PLCL1: variants seen among roughly 807,000 people sequenced by gnomAD.
PLCL1 encodes the protein inactive phospholipase C-like protein 1.
In PLCL1, 41 loss-of-function variants were observed where a neutral mutation model predicts 84.4. The observed-to-expected ratio is 0.49, with a 90% confidence interval of 0.38 to 0.63. The LOEUF is 0.63. Ranked by LOEUF, PLCL1 falls within the 30% of genes least tolerant of loss-of-function variation. The pLI is 0.00. For missense variants in PLCL1, 1,206 were observed against 1,367.8 expected (o/e 0.88, Z 1.87); for synonymous variants, 490 against 488.3 (o/e 1.00, Z -0.05).
chr2:197,812,376 T>G (rs1402802290), intron 1 of PLCL1, among the ~76,000 whole-genome samples: 3 of 152,230 alleles, frequency 2.0e-5, no homozygotes, highest in Non-Finnish European at 4.4e-5. Context: ...ATCTCCACAC[T>G]GCTTTCCACA....
At chr2:197,828,552 A>G (rs1690982918) in intron 1 of PLCL1, among the ~76,000 whole-genome samples, 1 of 152,134 alleles carries the variant, frequency 6.6e-6, no homozygotes, top group African/African-American at 2.4e-5. Flanking sequence ...AAAAATATTC[A>G]ATAATGCTAA....
At chr2:197,983,542 AT>A (rs554261215) in intron 1 of PLCL1, among the ~76,000 whole-genome samples, 33 of 151,928 alleles carry the variant, frequency 2.2e-4, no homozygotes, top group African/African-American at 7.7e-4. Flanking sequence ...CTAAATAAGC[AT>A]TTTCTATAAA....
At position 198,122,359 on chromosome 2, in the gene PLCL1, G is replaced by T. The variant is rs1435688344; in HGVS notation, c.3105+18423G>T. ...TGACTGAACTTTAGATTTTTTATATGATCTTTTCTTAAAATCTGGGTAACT... is the reference window on the plus strand; with the variant it reads ...TGACTGAACTTTAGATTTTTTATATTATCTTTTCTTAAAATCTGGGTAACT... On this transcript the variant is annotated intron_variant, in intron 5 of 5. Transcript: ENST00000428675. Among the ~76,000 whole-genome samples the T allele has an allele frequency of 2.0e-5, 3 of 151,956 alleles. No individual in the cohort carries two copies. The East Asian group carries it at 5.8e-4, about 29-fold the overall frequency.
chr2:197,845,968 T>C (rs1687114348), intron 1 of PLCL1, among the ~76,000 whole-genome samples: 1 of 152,142 alleles, frequency 6.6e-6, no homozygotes, highest in Admixed American at 6.6e-5. Context: ...GTGCACTTGA[T>C]ACTAATTGAA....
At chr2:197,847,307 T>G (rs1179585801) in intron 1 of PLCL1, among the ~76,000 whole-genome samples, 1 of 152,166 alleles carries the variant, frequency 6.6e-6, no homozygotes, top group Non-Finnish European at 1.5e-5. Flanking sequence ...TTTAACAATA[T>G]GAAAGAACAT....
intron 1 of PLCL1, among the ~76,000 whole-genome samples, chr2:197,841,536 G>A (rs931853566): frequency 3.3e-5 from 5 of 152,154 alleles, no homozygotes; most frequent in African/African-American, 1.2e-4. Flanking sequence ...TCTTTTTGTG[G>A]CTTGATAGCT....
At chr2:197,828,822 G>A (rs1261598935) in intron 1 of PLCL1, among the ~76,000 whole-genome samples, 1 of 152,124 alleles carries the variant, frequency 6.6e-6, no homozygotes, top group Non-Finnish European at 1.5e-5. Context: ...GTCTTTAACT[G>A]TCTTAAAACA....
chr2:198,137,920 C>T (rs1207006727), intron 5 of PLCL1, among the ~76,000 whole-genome samples: 1 of 152,214 alleles, frequency 6.6e-6, no homozygotes. Context: ...TCAATGGGTG[C>T]AGTACTGCCC....
intron 1 of PLCL1, among the ~76,000 whole-genome samples, chr2:198,002,410 A>G (rs1316264674): frequency 2.0e-5 from 3 of 152,182 alleles, no homozygotes; most frequent in Admixed American, 2.0e-4. Context: ...AGTGACAAAT[A>G]ATTTTCCAAA....
At position 197,924,084 on chromosome 2, in the gene PLCL1, C is replaced by T. The variant is rs1435080436; in HGVS notation, c.240+118745C>T. The stretch of plus-strand genomic sequence containing the variant: ...ATCAGGCAGGGAGGTTGCAGTGAGC[C>T]GAGATGGCAGCAGTACAGTCCAGCT... On this transcript the variant is annotated intron_variant, in intron 1 of 5. Transcript: ENST00000428675. Among the ~76,000 whole-genome samples the T allele has an allele frequency of 2.2e-5, 3 of 135,912 alleles. No homozygotes were observed. In the South Asian group the frequency reaches 7.2e-4, roughly 33 times the overall value. 89.2% of individuals were successfully genotyped at this position (135,912 alleles called of 152,430 possible).
At chr2:198,090,199 C>T (rs957789680) in intron 3 of PLCL1, among the ~76,000 whole-genome samples, 1 of 151,870 alleles carries the variant, frequency 6.6e-6, no homozygotes, top group African/African-American at 2.4e-5. Context: ...ATATTAAAAT[C>T]ATGTGTTAGA....
rs1302618528 is a variant in PLCL1, at chr2:198,107,967, G to A, written c.3105+4031G>A. ...AAGAGCTGGACAAATGACCTCCTTT[G>A]AATTTGAATTATTAGCTGAGAGAAA... On this transcript the variant is annotated intron_variant, in intron 5 of 5. Transcript: ENST00000428675. 1.4e-4 allele frequency among the ~76,000 whole-genome samples: 22 copies of A among 151,794 alleles called. 1 individual carries two copies. Among genetic ancestry groups the A allele is most frequent in the Admixed American group, 1.3e-3 (20 of 15,202 alleles).
At chr2:198,050,579 T>C (rs1691903421) in intron 1 of PLCL1, among the ~76,000 whole-genome samples, 1 of 152,252 alleles carries the variant, frequency 6.6e-6, no homozygotes, top group Non-Finnish European at 1.5e-5. Context: ...CAAAGCTGAA[T>C]GCTAAAAGGT....
chr2:198,142,209 AG>A (rs1313306700), intron 5 of PLCL1, among the ~76,000 whole-genome samples: 2 of 152,162 alleles, frequency 1.3e-5, no homozygotes, highest in African/African-American at 4.8e-5. Context: ...ATGGGTTATA[AG>A]ATATATTACT....
intron 1 of PLCL1, among the ~76,000 whole-genome samples, chr2:197,980,261 C>T (rs1690074952): frequency 6.6e-6 from 1 of 152,190 alleles, no homozygotes; most frequent in South Asian, 2.1e-4. Context: ...TTTAGGACAT[C>T]TGAGTGATAT....
chr2:197,839,504 G>GAATCTAA (rs1686941479), intron 1 of PLCL1, among the ~76,000 whole-genome samples: 1 of 152,202 alleles, frequency 6.6e-6, no homozygotes, highest in Admixed American at 6.5e-5. Flanking sequence ...GCTGCCACTG[G>GAATCTAA]TCTGACAGGA....
intron 5 of PLCL1, among the ~76,000 whole-genome samples, chr2:198,107,836 G>T (rs1465555224): frequency 6.6e-6 from 1 of 151,852 alleles, no homozygotes; most frequent in Non-Finnish European, 1.5e-5. Flanking sequence ...GAGCACTAGA[G>T]TAGTGGACTA....
chr2:197,885,217 G>T (rs1284407849), intron 1 of PLCL1, among the ~76,000 whole-genome samples: 1 of 152,208 alleles, frequency 6.6e-6, no homozygotes, highest in Non-Finnish European at 1.5e-5. Flanking sequence ...TTTTTAAGGA[G>T]ATTTTATTAT....
rs372442661 is a variant in PLCL1, at chr2:198,137,421, T to C, written c.3106-9359T>C. On this transcript the variant is annotated intron_variant, in intron 5 of 5. Transcript: ENST00000428675. ...ATTGTTTTCCACTTTCAGTGTTTCT[T>C]TCAGTATAAATGTCAATGAAACAAA... Among the ~76,000 whole-genome samples the C allele has an allele frequency of 4.3e-4, 65 of 152,332 alleles. 2 individuals carry two copies. The highest frequency in any genetic ancestry group is 1.5e-3 in the African/African-American group (61 of 41,574).
Sources: allele counts gnomAD v4.1 joint callset (sites outside exome capture counted in the v4.1 genomes callset), GRCh38; gene constraint gnomAD v4.1.1; transcripts MANE v1.5; gene names NCBI Gene and HGNC (gene_info 2026-07-23, HGNC 2026-07-21).